ADGRG5: variants seen among roughly 807,000 people sequenced by gnomAD.
The protein encoded by ADGRG5 is G protein-coupled receptor 114.
Under a neutral mutation model 53.2 loss-of-function variants are expected in ADGRG5, and 37 were observed. That is an observed-to-expected ratio of 0.70 (90% CI 0.53 to 0.91). The LOEUF is 0.91. Ranked by LOEUF, ADGRG5 falls within the 40% of genes least tolerant of loss-of-function variation. ADGRG5 has a pLI of 0.00. For missense variants in ADGRG5, 614 were observed against 675.8 expected (o/e 0.91, Z 1.01); for synonymous variants, 277 against 290.4 (o/e 0.95, Z 0.47).
intron 1 of ADGRG5, among the ~76,000 whole-genome samples, chr16:57,554,281 T>G (rs370331136): frequency 9.4e-4 from 143 of 152,264 alleles, no homozygotes; most frequent in African/African-American, 3.3e-3. Flanking sequence ...GCCTAGAGAC[T>G]TATCAATATT....
At chr16:57,529,228 G>C in the ADGRG5 span, 1 of 1,145,806 alleles carries the variant, frequency 8.7e-7, no homozygotes, top group Non-Finnish European at 1.1e-6. This position sits in a 1 kb window ranked among gnomAD's most constrained non-coding sequence, Gnocchi z 4.1. Context: ...GCTCAGGGGC[G>C]GCTCCGGGGA....
intron 1 of ADGRG5, among the ~76,000 whole-genome samples, chr16:57,554,612 G>T (rs1380903601): frequency 7.9e-5 from 12 of 152,114 alleles, no homozygotes; most frequent in African/African-American, 2.9e-4. Context: ...TCCTGACTTT[G>T]TGATCCGCCC....
At chr16:57,549,242 G>A (rs1274797867) in intron 1 of ADGRG5, among the ~76,000 whole-genome samples, 1 of 152,142 alleles carries the variant, frequency 6.6e-6, no homozygotes, top group African/African-American at 2.4e-5. Context: ...TTGCTAAGCC[G>A]TCCCCTTGCA....
the ADGRG5 span, among the ~76,000 whole-genome samples, chr16:57,530,474 C>T: frequency 6.6e-6 from 1 of 152,196 alleles, no homozygotes; most frequent in Non-Finnish European, 1.5e-5. Context: ...TCTGAGTGAT[C>T]AGTGTACTGT....
the ADGRG5 span, among the ~76,000 whole-genome samples, chr16:57,535,521 G>A: frequency 1.3e-5 from 2 of 151,994 alleles, no homozygotes; most frequent in Non-Finnish European, 2.9e-5. Flanking sequence ...CACCTGAGGG[G>A]CACAATGCCC....
chr16:57,570,314 G>A (rs1416078037), intron 9 of ADGRG5, 104 bp from the exon 10 acceptor site: 4 of 688,096 alleles, frequency 5.8e-6, no homozygotes, highest in African/African-American at 3.5e-5. Flanking sequence ...CCTCTCAGTT[G>A]TCCCTTGACC....
chr16:57,545,738 A>G (rs2032600926), intron 1 of ADGRG5, among the ~76,000 whole-genome samples: 2 of 152,324 alleles, frequency 1.3e-5, no homozygotes, highest in Middle Eastern at 3.4e-3. Context: ...TCCCGTGTTC[A>G]TAGATATTTG....
the ADGRG5 span, among the ~76,000 whole-genome samples, chr16:57,533,985 G>A: frequency 9.2e-5 from 14 of 152,220 alleles, no homozygotes; most frequent in Non-Finnish European, 7.3e-5. Context: ...AGGCCCCGGG[G>A]AGCCTTTCCT....
intron 8 of ADGRG5, 28 bp from the exon 9 acceptor site, chr16:57,567,828 C>A: frequency 6.3e-7 from 1 of 1,594,568 alleles, no homozygotes; most frequent in Non-Finnish European, 8.5e-7. Context: ...TGTCCCTGGG[C>A]CATGGAGGAC....
At chr16:57,534,325 GGTAGCTCACTCCAGGACA>G in the ADGRG5 span, among the ~76,000 whole-genome samples, 1 of 152,164 alleles carries the variant, frequency 6.6e-6, no homozygotes, top group South Asian at 2.1e-4. Context: ...TGTGCTCACT[GGTAGCTCACTCCAGGACA>G]GAAACAAGAA....
chr16:57,565,076 G>T lies in ADGRG5; in HGVS notation c.472G>T (p.Ala158Ser), dbSNP rs1368731914. The T allele has an allele frequency of 6.2e-7, 1 of 1,613,588 alleles. No homozygotes were observed. Among genetic ancestry groups the T allele is most frequent in the Non-Finnish European group, 8.5e-7 (1 of 1,179,818 alleles). ...TCTGCTGAATAACTACGTCCTGGGG[G>T]CCCAGCTGAGTCATGGGCACGTGAA... ...SSLLNNYVLGAQLSHGHVNNL... is the reference protein window; with the variant it reads ...SSLLNNYVLGSQLSHGHVNNL... The change falls in exon 6 of 12, where the codon GCC becomes TCC. Residue 158 changes from alanine to serine, a missense_variant. Coordinates refer to ENST00000349457, the MANE Select transcript of ADGRG5 (RefSeq NM_001304376.3).
At chr16:57,532,928 G>A in the ADGRG5 span, among the ~76,000 whole-genome samples, 2 of 152,204 alleles carry the variant, frequency 1.3e-5, no homozygotes, top group Non-Finnish European at 2.9e-5. Context: ...TGCAGCCGCT[G>A]AACTAGGAGC....
At chr16:57,529,557 T>C in the ADGRG5 span, among the ~76,000 whole-genome samples, 1 of 152,130 alleles carries the variant, frequency 6.6e-6, no homozygotes, top group African/African-American at 2.4e-5. The surrounding 1 kb of genome is among the most constrained non-coding windows in gnomAD (Gnocchi z 4.1). Context: ...GAAACCTTGA[T>C]CTGTTCTTTA....
upstream of ADGRG5, among the ~76,000 whole-genome samples, chr16:57,538,378 G>T (rs1221583106): frequency 1.3e-5 from 2 of 152,190 alleles, no homozygotes; most frequent in Non-Finnish European, 2.9e-5. Context: ...GCCAAAGCGG[G>T]AGGATCGCCT....
chr16:57,530,283 G>GCCC, the ADGRG5 span, among the ~76,000 whole-genome samples: 15 of 152,178 alleles, frequency 9.9e-5, no homozygotes, highest in Admixed American at 3.3e-4. Flanking sequence ...TATGGGCCAT[G>GCCC]CCCCCCTCCT....
At chr16:57,571,638 A>G (rs922352332) in intron 10 of ADGRG5, among the ~76,000 whole-genome samples, 7 of 150,110 alleles carry the variant, frequency 4.7e-5, no homozygotes, top group Admixed American at 1.3e-4. Context: ...CTCTCTGAAG[A>G]TGTATTTTCT....
intron 11 of ADGRG5, 113 bp from the exon 12 acceptor site, chr16:57,575,325 G>T: frequency 9.4e-7 from 1 of 1,062,962 alleles, no homozygotes; most frequent in East Asian, 2.5e-5. Flanking sequence ...TACAGTAAGA[G>T]ATTCTGGGAG....
chr16:57,556,135 A>G (rs1251352759), intron 1 of ADGRG5, among the ~76,000 whole-genome samples: 1 of 152,210 alleles, frequency 6.6e-6, no homozygotes, highest in Admixed American at 6.5e-5. Flanking sequence ...GTGAAACTAT[A>G]CTAATACACT....
In ADGRG5 at chr16:57,576,980, C is replaced by G. The variant is rs922467881; in HGVS notation, c.*1442C>G. The G allele has an allele frequency of 3.9e-5, 6 of 152,254 alleles. No individual in the cohort carries two copies. The East Asian group carries it at 1.2e-3, about 29-fold the overall frequency. 9.4% of individuals were successfully genotyped at this position (152,254 alleles called of 1,614,324 possible). Reference sequence around the variant, plus strand: ...AGATGCAAATAACTCCTTCACCAGGCAGTGAGTGGCGTAGGCTCTGGAGCC... The same window carrying G: ...AGATGCAAATAACTCCTTCACCAGGGAGTGAGTGGCGTAGGCTCTGGAGCC... On this transcript the variant is annotated 3_prime_UTR_variant, in exon 12 of 12. Transcript: ENST00000349457.
Sources: gnomAD v4.1 joint callset for allele counts (sites outside exome capture counted in the v4.1 genomes callset) on GRCh38, gnomAD v4.1.1 for gene constraint, Gnocchi (gnomAD v3.1) non-coding constraint, MANE v1.5 for transcripts, NCBI Gene and HGNC (gene_info 2026-07-23, HGNC 2026-07-21) for gene names.